The following EML4 variants were observed in gnomAD, a reference collection of about 807,000 sequenced individuals.
EML4 encodes EMAP like 4.
EML4 carries 72 observed loss-of-function variants against 129.0 expected under a neutral mutation model. That is an observed-to-expected ratio of 0.56 (90% CI 0.46 to 0.68). The LOEUF (loss-of-function observed/expected upper bound fraction) is 0.68. EML4 is among the 30% of genes least tolerant of loss of function. The pLI is 0.00. For synonymous variants in EML4, 532 were observed against 405.0 expected (o/e 1.31, Z -3.77); for missense variants, 1,363 against 1,190.6 (o/e 1.14, Z -2.13).
Position 42,326,009 on chromosome 2 carries a change from T to A in EML4, c.2243-145T>A, listed in dbSNP as rs776098733. On this transcript the variant is annotated intron_variant, in intron 20 of 22. Coordinates refer to ENST00000318522, the MANE Select transcript of EML4 (RefSeq NM_019063.5). ...ATAAACCCTGTTAAAGTGAACACTTTCTTTTCCTTTTTAAATGTGTCTTAA... is the reference window on the plus strand; with the variant it reads ...ATAAACCCTGTTAAAGTGAACACTTACTTTTCCTTTTTAAATGTGTCTTAA... 3 of 1,165,100 alleles carry A rather than the reference T, an allele frequency of 2.6e-6. No homozygotes were observed. The African/African-American group carries it at 4.8e-5, about 19-fold the overall frequency. 72.2% of individuals were successfully genotyped at this position (1,165,100 alleles called of 1,614,324 possible).
chr2:42,247,295 G>C (rs1675474771), intron 2 of EML4, among the ~76,000 whole-genome samples: 3 of 152,090 alleles, frequency 2.0e-5, no homozygotes, highest in Admixed American at 2.0e-4. Flanking sequence ...GCAAAGATAG[G>C]TCGTCAGTGG....
At chr2:42,284,744 T>C (rs201634996) in intron 9 of EML4, 41 bp downstream of exon 9, 60 of 1,440,062 alleles carry the variant, frequency 4.2e-5, no homozygotes, top group Admixed American at 7.9e-5. Context: ...CTAGAGACAT[T>C]GCTGTTAGAG....
chr2:42,300,310 C>G (rs1437264255), intron 13 of EML4, among the ~76,000 whole-genome samples: 1 of 152,186 alleles, frequency 6.6e-6, no homozygotes, highest in African/African-American at 2.4e-5. Flanking sequence ...AGCTAAAGAG[C>G]TTCTCTGAGT....
At chr2:42,192,878 A>G (rs918272218) in intron 1 of EML4, among the ~76,000 whole-genome samples, 8 of 152,160 alleles carry the variant, frequency 5.3e-5, no homozygotes, top group Non-Finnish European at 2.9e-5. Context: ...GTGCATCTGC[A>G]GAAAGCATTT....
intron 17 of EML4, among the ~76,000 whole-genome samples, chr2:42,306,751 G>A (rs376319700): frequency 1.3e-5 from 2 of 150,908 alleles, no homozygotes; most frequent in Admixed American, 6.6e-5. Flanking sequence ...CTCCCGCCTC[G>A]GCCTCCCAAA....
intron 11 of EML4, among the ~76,000 whole-genome samples, chr2:42,291,408 T>C (rs1209198996): frequency 1.1e-5 from 1 of 92,878 alleles, no homozygotes; most frequent in Non-Finnish European, 2.6e-5. Context: ...CTTTTTTTTT[T>C]TTTTTTTTTT....
At chr2:42,256,160 T>C (rs1201966969) in intron 2 of EML4, among the ~76,000 whole-genome samples, 2 of 152,238 alleles carry the variant, frequency 1.3e-5, no homozygotes, top group Non-Finnish European at 2.9e-5. Context: ...TTTTGAAGAC[T>C]GATGGCATGG....
chr2:42,308,646 G>A (rs374276116), intron 17 of EML4, among the ~76,000 whole-genome samples: 1 of 152,140 alleles, frequency 6.6e-6, no homozygotes, highest in African/African-American at 2.4e-5. Context: ...AATTCAGTAA[G>A]TTCACAGGGT....
rs372736784 is a variant in EML4, at chr2:42,282,871, G to A, written c.840G>A (p.Pro280=). The A allele has an allele frequency of 3.2e-5, 51 of 1,612,826 alleles. No homozygotes were observed. The highest frequency in any genetic ancestry group is 7.7e-5 in the South Asian group (7 of 91,052). Residue 280 remains proline (P), a synonymous_variant, in exon 8 of 23, where the codon CCG becomes CCA. Transcript: ENST00000318522. ...KDCRANVYLL[P]TGKIVYFIAS... Reference sequence around the variant, plus strand: ...GTAGAGCTAATGTTTACCTTCTTCCGACCGGGAAAATAGTTTATTTCATTG... The same window carrying A: ...GTAGAGCTAATGTTTACCTTCTTCCAACCGGGAAAATAGTTTATTTCATTG...
chr2:42,209,170 C>T (rs974948093), intron 1 of EML4, among the ~76,000 whole-genome samples: 1 of 152,136 alleles, frequency 6.6e-6, no homozygotes, highest in Admixed American at 6.5e-5. Flanking sequence ...TATTTGGAAA[C>T]TCAAGGCCCT....
chr2:42,269,551 A>C (rs58461458), intron 6 of EML4, among the ~76,000 whole-genome samples: 336 of 152,306 alleles, frequency 2.2e-3, no homozygotes, highest in African/African-American at 7.8e-3. Flanking sequence ...GGTGATATAT[A>C]TGAGGAAAGA....
chr2:42,324,187 C>G (rs533783072), intron 19 of EML4, among the ~76,000 whole-genome samples: 8 of 151,960 alleles, frequency 5.3e-5, no homozygotes, highest in African/African-American at 1.9e-4. Context: ...CCCAGCTACT[C>G]AGGAGGCTGA....
At position 42,172,457 on chromosome 2, in the gene EML4, A is replaced by G. The variant is rs555189951; in HGVS notation, c.25+2821A>G. On this transcript the variant is annotated intron_variant, in intron 1 of 22. Transcript: ENST00000318522. The stretch of plus-strand genomic sequence containing the variant: ...TGATTGGCCATTTTATAAATGCCAC[A>G]TTGAAGTTACATGGTACTGATTATG... 5.3e-5 allele frequency among the ~76,000 whole-genome samples: 8 copies of G among 152,332 alleles called. No individual in the cohort carries two copies. In the East Asian group the frequency reaches 1.5e-3, roughly 29 times the overall value.
chr2:42,268,530 G>A (rs769361552), intron 6 of EML4, among the ~76,000 whole-genome samples: 6 of 152,198 alleles, frequency 3.9e-5, no homozygotes, highest in East Asian at 3.9e-4. Flanking sequence ...CTTGAACTCC[G>A]AGCTTGAGTG....
At chr2:42,265,962 TTGAAGCA>T (rs1459820107) in intron 6 of EML4, among the ~76,000 whole-genome samples, 1 of 152,258 alleles carries the variant, frequency 6.6e-6, no homozygotes, top group Non-Finnish European at 1.5e-5. Context: ...GCAAATTTAA[TTGAAGCA>T]TGCTGTTCTT....
At chr2:42,176,669 G>T (rs1487997384) in intron 1 of EML4, among the ~76,000 whole-genome samples, 1 of 152,192 alleles carries the variant, frequency 6.6e-6, no homozygotes, top group Admixed American at 6.5e-5. Context: ...GTGAACACTT[G>T]ATAGGACCAC....
chr2:42,291,852 C>A (rs889248685), intron 11 of EML4, among the ~76,000 whole-genome samples: 14 of 152,288 alleles, frequency 9.2e-5, no homozygotes, highest in Non-Finnish European at 1.8e-4. Flanking sequence ...CTACATAAAA[C>A]AGGGTGTCCA....
intron 1 of EML4, among the ~76,000 whole-genome samples, chr2:42,212,068 G>C (rs899729206): frequency 6.6e-6 from 1 of 151,950 alleles, no homozygotes; most frequent in African/African-American, 2.4e-5. Context: ...CTGGTCTTGA[G>C]CTCCTGACCT....
At chr2:42,290,717 G>C (rs1002285997) in intron 11 of EML4, among the ~76,000 whole-genome samples, 1 of 152,130 alleles carries the variant, frequency 6.6e-6, no homozygotes, top group Non-Finnish European at 1.5e-5. Context: ...GGGGAACAGA[G>C]CGAGACCCTG....
Sources: gnomAD v4.1 joint callset for allele counts (sites outside exome capture counted in the v4.1 genomes callset) on GRCh38, gnomAD v4.1.1 for gene constraint, MANE v1.5 for transcripts, NCBI Gene and HGNC (gene_info 2026-07-23, HGNC 2026-07-21) for gene names.